Variants in STK3 observed in about 807,000 individuals in gnomAD.
STK3 encodes serine/threonine kinase 3.
STK3 carries 41 observed loss-of-function variants against 58.0 expected under a neutral mutation model. The observed-to-expected ratio is 0.71, with a 90% CI of 0.55 to 0.92. STK3 has a LOEUF of 0.92. Among genes scored for constraint, STK3 ranks in the 40% least tolerant of loss-of-function variants. The probability of loss-of-function intolerance (pLI) is 0.00; values close to 1 mark genes in which losing one functional copy is unlikely to be tolerated. For missense variants in STK3, 479 were observed against 602.7 expected, an observed-to-expected ratio of 0.79 and a Z score of 2.15; for synonymous variants, 170 against 191.0, an observed-to-expected ratio of 0.89 and a Z score of 0.91.
intron 1 of STK3, among the ~76,000 whole-genome samples, chr8:98,779,644 C>CA (rs1427112826): frequency 2.0e-5 from 3 of 152,056 alleles, no homozygotes; most frequent in African/African-American, 4.8e-5. Context: ...GCAAATACTC[C>CA]AAAAAACAAA....
At chr8:98,545,432 T>C (rs1810622446) in intron 9 of STK3, among the ~76,000 whole-genome samples, 1 of 152,164 alleles carries the variant, frequency 6.6e-6, no homozygotes, top group African/African-American at 2.4e-5. Context: ...AGAAAGTTAT[T>C]CTTGGGACAT....
At chr8:98,431,247 A>C (rs1357073006) in intron 3 of STK3, 3 of 167,008 alleles carry the variant, frequency 1.8e-5, no homozygotes, top group Non-Finnish European at 4.4e-5. Context: ...TATTGAATGA[A>C]TTCACTAGCC....
chr8:98,742,450 C>G (rs1829299814), intron 4 of STK3, among the ~76,000 whole-genome samples: 1 of 122,868 alleles, frequency 8.1e-6, no homozygotes, highest in Non-Finnish European at 1.7e-5. Context: ...TAAACGTAAT[C>G]CATCACGTAA....
At position 98,923,866 on chromosome 8, in the gene STK3, C is replaced by T. The variant is rs1346878550; in HGVS notation, c.-79+18512G>A. ...GTGTGTGTGTGTGTGCGCGCGCGCG[C>T]GCGCGCGCGCGTTGACAATGATGGG... On this transcript the variant is annotated intron_variant, in intron 1 of 1. Coordinates refer to the STK3 transcript ENST00000519420. Among the ~76,000 whole-genome samples the T allele has an allele frequency of 1.3e-3, 167 of 131,778 alleles. 1 individual carries two copies. Among genetic ancestry groups the T allele is most frequent in the South Asian group, 3.7e-3 (16 of 4,270 alleles). 86.5% of individuals were successfully genotyped at this position (131,778 alleles called of 152,430 possible). A position where few individuals can be genotyped will look rare whatever the true frequency, so the allele number is the denominator to read the frequency against.
intron 10 of STK3, among the ~76,000 whole-genome samples, chr8:98,492,328 T>C (rs1822761140): frequency 6.6e-6 from 1 of 152,208 alleles, no homozygotes; most frequent in African/African-American, 2.4e-5. Flanking sequence ...AGGATCTTTC[T>C]GGGCAGGCAG....
intron 3 of STK3, among the ~76,000 whole-genome samples, chr8:98,877,457 A>C (rs552194602): frequency 5.3e-5 from 8 of 152,116 alleles, no homozygotes; most frequent in Non-Finnish European, 8.8e-5. Context: ...TAATAAATTC[A>C]GTCATTCCAT....
chr8:98,713,916 A>G (rs1826765660), intron 4 of STK3, among the ~76,000 whole-genome samples: 1 of 152,228 alleles, frequency 6.6e-6, no homozygotes, highest in Non-Finnish European at 1.5e-5. Flanking sequence ...GCAGCACATC[A>G]AAAAGCTTAT....
At chr8:98,705,583 T>C (rs915131451) in intron 6 of STK3, among the ~76,000 whole-genome samples, 1 of 152,224 alleles carries the variant, frequency 6.6e-6, no homozygotes, top group Non-Finnish European at 1.5e-5. Flanking sequence ...CTAAAATATC[T>C]GAATTTTTAT....
intron 1 of STK3, among the ~76,000 whole-genome samples, chr8:98,941,023 C>G (rs541481441): frequency 6.6e-6 from 1 of 152,192 alleles, no homozygotes. Context: ...GCCGCTGGGC[C>G]GGCGGGGCAG....
intron 8 of STK3, among the ~76,000 whole-genome samples, chr8:98,571,915 A>C (rs1812999171): frequency 6.6e-6 from 1 of 152,176 alleles, no homozygotes; most frequent in South Asian, 2.1e-4. Context: ...CAATTCTTCT[A>C]AACTCCTTAT....
exon 3 of STK3, chr8:98,371,409 A>G (rs563654190): frequency 6.6e-6 from 1 of 152,384 alleles, no homozygotes; most frequent in South Asian, 2.1e-4. Context: ...CGAGGCTCCA[A>G]GAGCTTTGAA....
At chr8:98,536,824 G>GA (rs1324052280) in intron 9 of STK3, among the ~76,000 whole-genome samples, 1 of 152,212 alleles carries the variant, frequency 6.6e-6, no homozygotes, top group African/African-American at 2.4e-5. Flanking sequence ...AGGATGTAGG[G>GA]AGAAGCAGAA....
intron 2 of STK3, among the ~76,000 whole-genome samples, chr8:98,771,592 T>C (rs1219217888): frequency 1.3e-5 from 2 of 151,642 alleles, no homozygotes; most frequent in Non-Finnish European, 2.9e-5. Flanking sequence ...TGAGACAGAG[T>C]CATGCTGTGT....
chr8:98,648,167 G>A (rs1267745509), intron 6 of STK3, among the ~76,000 whole-genome samples: 1 of 152,102 alleles, frequency 6.6e-6, no homozygotes, highest in Non-Finnish European at 1.5e-5. Context: ...ACAAACATAT[G>A]TAGAGATTTA....
chr8:98,681,953 C>A (rs189885117), intron 6 of STK3, among the ~76,000 whole-genome samples: 1 of 152,228 alleles, frequency 6.6e-6, no homozygotes, highest in Non-Finnish European at 1.5e-5. Flanking sequence ...GCAGTGCCAA[C>A]GGGCCTACAG....
At chr8:98,512,457 G>A (rs1213907780) in intron 10 of STK3, among the ~76,000 whole-genome samples, 1 of 152,026 alleles carries the variant, frequency 6.6e-6, no homozygotes, top group Non-Finnish European at 1.5e-5. Flanking sequence ...AGAAGTCTCA[G>A]TTTAGAATTT....
At chr8:98,841,106 G>C (rs900958467) in intron 3 of STK3, among the ~76,000 whole-genome samples, 2 of 152,212 alleles carry the variant, frequency 1.3e-5, no homozygotes, top group African/African-American at 4.8e-5. Flanking sequence ...GTGGAGAGAA[G>C]ACAAGAGAGC....
rs1564093746 is a variant in STK3 at position 98,903,557 on chromosome 8, C to CTTCTACTTCTTCTTCT, written c.-78-19724_-78-19723insAGAAGAAGAAGTAGAA. ...CTTCTTCTTCTTCTTCTTCTTCTTC[C>CTTCTACTTCTTCTTCT]TTTTTTTTTTTTTAAGTGGGGCCTT... is the stretch of plus-strand genomic sequence containing the variant. On this transcript the variant is annotated intron_variant, in intron 1 of 1. Transcript: ENST00000519420. Among the ~76,000 whole-genome samples the CTTCTACTTCTTCTTCT allele has an allele frequency of 1.5e-3, 15 of 9,938 alleles. 1 individual carries two copies. Among genetic ancestry groups the CTTCTACTTCTTCTTCT allele is most frequent in the African/African-American group, 5.3e-3 (15 of 2,842 alleles). 6.5% of individuals were successfully genotyped at this position (9,938 alleles called of 152,430 possible). A position where few individuals can be genotyped will look rare whatever the true frequency, so the allele number is the denominator to read the frequency against.
chr8:98,681,656 A>C (rs1298338282), intron 6 of STK3, among the ~76,000 whole-genome samples: 1 of 152,078 alleles, frequency 6.6e-6, no homozygotes, highest in Non-Finnish European at 1.5e-5. Flanking sequence ...ACTATACAGT[A>C]ATGAAATTCA....
Sources: gnomAD v4.1 joint callset for allele counts (sites outside exome capture counted in the v4.1 genomes callset) on GRCh38, gnomAD v4.1.1 for gene constraint, MANE v1.5 for transcripts, NCBI Gene and HGNC (gene_info 2026-07-23, HGNC 2026-07-21) for gene names.